Variants in SPATA13 observed in about 807,000 individuals in gnomAD.
SPATA13 encodes the protein spermatogenesis associated 13, also known as spermatogenesis-associated protein 13.
In SPATA13, 50 loss-of-function variants were observed where a neutral mutation model predicts 104.0. The ratio of observed to expected loss-of-function variants is 0.48; its 90% CI spans 0.38 to 0.61. The LOEUF (loss-of-function observed/expected upper bound fraction) is 0.61. SPATA13 is among the 20% of genes least tolerant of loss of function. The pLI is 0.00. For missense variants in SPATA13, 1,524 were observed against 1,690.6 expected (o/e 0.90, Z 1.73); for synonymous variants, 606 against 667.5 (o/e 0.91, Z 1.42).
At chr13:24,122,923 A>G (rs1285510064) in intron 3 of SPATA13, 1 of 778,962 alleles carries the variant, frequency 1.3e-6, no homozygotes, top group Admixed American at 1.7e-5. Flanking sequence ...GTTATCTCTT[A>G]ATGATCTTCA....
At chr13:24,003,591 G>A (rs1182786938) in intron 2 of SPATA13, among the ~76,000 whole-genome samples, 1 of 152,174 alleles carries the variant, frequency 6.6e-6, no homozygotes, top group Non-Finnish European at 1.5e-5. Context: ...AACCTTCATC[G>A]TGTATTCAGT....
At chr13:24,150,198 C>T (rs564165059) in intron 3 of SPATA13, among the ~76,000 whole-genome samples, 22 of 152,114 alleles carry the variant, frequency 1.4e-4, no homozygotes, top group Admixed American at 3.9e-4. Context: ...GCCCGTCTCC[C>T]GTGCTCTCCT....
chr13:24,139,931 G>A (rs1881698419), intron 3 of SPATA13, among the ~76,000 whole-genome samples: 1 of 152,096 alleles, frequency 6.6e-6, no homozygotes, highest in African/African-American at 2.4e-5. Context: ...AGCTGGACGT[G>A]GTGGCGGGCA....
At chr13:24,182,845 C>T (rs1868897419) in intron 1 of SPATA13, among the ~76,000 whole-genome samples, 1 of 152,106 alleles carries the variant, frequency 6.6e-6, no homozygotes, top group Non-Finnish European at 1.5e-5. Context: ...CAGCATGTTG[C>T]GCCACATCAG....
At chr13:24,157,736 G>T (rs1406312935), upstream of SPATA13, among the ~76,000 whole-genome samples, 1 of 152,186 alleles carries the variant, frequency 6.6e-6, no homozygotes, top group African/African-American at 2.4e-5. Context: ...AACCCCTGCT[G>T]AATGGAACTT....
chr13:24,196,774 G>A (rs188317521), intron 1 of SPATA13, among the ~76,000 whole-genome samples: 210 of 152,276 alleles, frequency 1.4e-3, no homozygotes, highest in African/African-American at 4.9e-3. Context: ...CCTAGTACAT[G>A]TCGGGCACTT....
intron 4 of SPATA13, among the ~76,000 whole-genome samples, chr13:24,262,477 A>G (rs1874105961): frequency 6.6e-6 from 1 of 152,184 alleles, no homozygotes; most frequent in African/African-American, 2.4e-5. Context: ...GCCTAAGTGC[A>G]TCACAAAAGG....
chr13:24,097,946 T>C (rs1055283972), intron 3 of SPATA13, among the ~76,000 whole-genome samples: 3 of 152,200 alleles, frequency 2.0e-5, no homozygotes, highest in African/African-American at 7.2e-5. Context: ...AATAAGCCAC[T>C]GTGGTTTTGA....
chr13:24,092,111 A>T (rs563896648), intron 3 of SPATA13, among the ~76,000 whole-genome samples: 18 of 152,282 alleles, frequency 1.2e-4, no homozygotes, highest in Non-Finnish European at 2.5e-4. Flanking sequence ...TGTTTTGGCC[A>T]TTTTTGCCAG....
intron 1 of SPATA13, among the ~76,000 whole-genome samples, chr13:24,166,854 G>A (rs1269640522): frequency 6.6e-6 from 1 of 152,214 alleles, no homozygotes; most frequent in Non-Finnish European, 1.5e-5. Context: ...CGAGAGGGGA[G>A]CCCTCATGAT....
chr13:24,160,783 G>A lies in SPATA13; in HGVS notation c.-261G>A, dbSNP rs1373621620. The A allele has an allele frequency of 2.0e-6, 2 of 985,384 alleles. No individual in the cohort carries two copies. Among genetic ancestry groups the A allele is most frequent in the African/African-American group, 1.7e-5 (1 of 57,256 alleles). The allele number at this position is 985,384 out of a possible 1,614,324, so 61.0% of individuals were successfully genotyped here. ...CGCTTTCTCCCGCGATCGCCCTGCC[G>A]GTCGCTAGCTCCGAGGGCGCGCACT... On this transcript the variant is annotated 5_prime_UTR_variant, in exon 1 of 13. Transcript: ENST00000382108.
chr13:24,025,809 CTTTCTTTTT>C (rs759591440), intron 3 of SPATA13, among the ~76,000 whole-genome samples: 17 of 94,136 alleles, frequency 1.8e-4, no homozygotes, highest in South Asian at 9.6e-4. Context: ...TTCTTTCTTT[CTTTCTTTTT>C]TTTTTTTTTG....
chr13:24,136,703 C>G (rs1430382387), intron 3 of SPATA13, among the ~76,000 whole-genome samples: 1 of 152,058 alleles, frequency 6.6e-6, no homozygotes, highest in African/African-American at 2.4e-5. Context: ...AGAGATAGGC[C>G]CCAGCACAAG....
chr13:24,096,698 G>A (rs1880097634), intron 3 of SPATA13, among the ~76,000 whole-genome samples: 1 of 152,162 alleles, frequency 6.6e-6, no homozygotes, highest in Non-Finnish European at 1.5e-5. Context: ...GACATGAGGG[G>A]GAGTCACCTA....
chr13:24,288,913 T>G (rs1876141773), intron 7 of SPATA13, 86 bp from the exon 8 acceptor site: 3 of 1,194,620 alleles, frequency 2.5e-6, no homozygotes, highest in Non-Finnish European at 3.5e-6. Context: ...CATTCCAAGT[T>G]CATGGCTTTA....
chr13:24,084,382 A>G (rs1879652803), intron 3 of SPATA13, among the ~76,000 whole-genome samples: 1 of 152,200 alleles, frequency 6.6e-6, no homozygotes, highest in South Asian at 2.1e-4. Flanking sequence ...CTCCCTTAAG[A>G]TGGGCAGGAT....
chr13:24,056,368 T>C (rs766778783), intron 3 of SPATA13, among the ~76,000 whole-genome samples: 1 of 152,254 alleles, frequency 6.6e-6, no homozygotes, highest in Non-Finnish European at 1.5e-5. Context: ...GTTAACCACG[T>C]AGATCTGCAT....
At chr13:24,052,412 AAT>A (rs1464951845) in intron 3 of SPATA13, among the ~76,000 whole-genome samples, 1 of 152,242 alleles carries the variant, frequency 6.6e-6, no homozygotes. Context: ...TTATTTAAAA[AAT>A]AAAAATAAAT....
chr13:24,229,315 TA>T (rs1254581018), intron 2 of SPATA13, among the ~76,000 whole-genome samples: 1 of 152,228 alleles, frequency 6.6e-6, no homozygotes, highest in Non-Finnish European at 1.5e-5. Flanking sequence ...GGAGCTATGG[TA>T]AGCTGCAGTC....
Sources: allele counts gnomAD v4.1 joint callset (sites outside exome capture counted in the v4.1 genomes callset), GRCh38; gene constraint gnomAD v4.1.1; transcripts MANE v1.5; gene names NCBI Gene and HGNC (gene_info 2026-07-23, HGNC 2026-07-21).